KIF24: variants seen among roughly 807,000 people sequenced by gnomAD.
KIF24 encodes the protein kinesin-like protein KIF24.
KIF24 carries 81 observed loss-of-function variants against 118.9 expected under a neutral mutation model. That is an observed-to-expected ratio of 0.68 (90% CI 0.57 to 0.82). The LOEUF (loss-of-function observed/expected upper bound fraction) is 0.82. Among genes scored for constraint, KIF24 ranks in the 40% least tolerant of loss-of-function variants. KIF24 has a pLI of 0.00. For missense variants in KIF24, 1,560 were observed against 1,661.6 expected (o/e 0.94, Z 1.06); for synonymous variants, 599 against 610.0 (o/e 0.98, Z 0.27).
chr9:34,282,464 T>A (rs1232799009), intron 6 of KIF24: 1 of 151,952 alleles, frequency 6.6e-6, no homozygotes, highest in Non-Finnish European at 1.5e-5. Flanking sequence ...CATAACTTCA[T>A]GAATATACTT....
At chr9:34,306,951 GAAC>G (rs1157324267) in intron 2 of KIF24, among the ~76,000 whole-genome samples, 11 of 151,812 alleles carry the variant, frequency 7.2e-5, no homozygotes, top group East Asian at 1.9e-4. Flanking sequence ...ACAAATAACA[GAAC>G]AACAACAAAA....
At chr9:34,255,299 C>T in intron 11 of KIF24, 134 bp from the exon 12 acceptor site, 1 of 622,838 alleles carries the variant, frequency 1.6e-6, no homozygotes, top group Non-Finnish European at 2.9e-6. Context: ...CCAAGGCCAG[C>T]TTACCAACCA....
At position 34,328,113 on chromosome 9, in the gene KIF24, T is replaced by C. The variant is rs555617688; in HGVS notation, c.-26+993A>G. Among the ~76,000 whole-genome samples the C allele has an allele frequency of 1.5e-4, 23 of 152,264 alleles. No individual in the cohort carries two copies. The South Asian group carries it at 4.6e-3, about 30-fold the overall frequency. Reference sequence around the variant, plus strand: ...CAACAATCAGGCTGTGAATATATAATCCATGAGTTAACAACGAAACAGTCT... The same window carrying C: ...CAACAATCAGGCTGTGAATATATAACCCATGAGTTAACAACGAAACAGTCT... On this transcript the variant is annotated intron_variant, in intron 1 of 12. Coordinates refer to ENST00000402558, the MANE Select transcript of KIF24 (RefSeq NM_194313.4).
chr9:34,298,031 TTC>T (rs1475487747), intron 3 of KIF24, among the ~76,000 whole-genome samples: 2 of 152,016 alleles, frequency 1.3e-5, no homozygotes, highest in Non-Finnish European at 2.9e-5. Context: ...GGAAAACATA[TTC>T]TCTCTGATTA....
chr9:34,304,637 T>C (rs957579488), intron 3 of KIF24, among the ~76,000 whole-genome samples: 1 of 152,132 alleles, frequency 6.6e-6, no homozygotes, highest in African/African-American at 2.4e-5. Context: ...TAATAGACCG[T>C]GCATTGATCA....
chr9:34,279,556 C>T (rs779142852), intron 6 of KIF24, among the ~76,000 whole-genome samples: 2 of 152,228 alleles, frequency 1.3e-5, no homozygotes, highest in African/African-American at 2.4e-5. Flanking sequence ...CTGGTGCCTG[C>T]GTTGGCAAGA....
chr9:34,255,217 T>A, intron 11 of KIF24, 52 bp from the exon 12 acceptor site: 1 of 1,144,680 alleles, frequency 8.7e-7, no homozygotes, highest in Non-Finnish European at 1.3e-6. Flanking sequence ...CAGCCTCTCC[T>A]GGGTAGCTTT....
intron 6 of KIF24, among the ~76,000 whole-genome samples, chr9:34,277,216 T>G (rs1438204363): frequency 1.3e-5 from 2 of 151,098 alleles, no homozygotes; most frequent in African/African-American, 4.8e-5. Flanking sequence ...TTACAGGTCT[T>G]TTTTTTTGTC....
intron 6 of KIF24, among the ~76,000 whole-genome samples, chr9:34,279,702 C>T (rs1021632974): frequency 2.0e-5 from 3 of 152,250 alleles, no homozygotes; most frequent in Admixed American, 6.5e-5. Flanking sequence ...TCCAAGATGA[C>T]ACTTGAGCAA....
chr9:34,254,876 T>C (rs2131653544), intron 12 of KIF24, among the ~76,000 whole-genome samples, 196 bp downstream of exon 12: 1 of 152,220 alleles, frequency 6.6e-6, no homozygotes, highest in African/African-American at 2.4e-5. Flanking sequence ...AAGGCGAGTG[T>C]TGCACCATCT....
rs771465840 is a variant in KIF24, at chr9:34,290,359, C to G, written c.942G>C (p.Gln314His). ...TGGTGTAGGTCTTTCCAGCACCTGT[C>G]TGTCCATAAGCAAAGCAAGTGGCAT... ...GGNATCFAYG[Q>H]TGAGKTYTMI... Residue 314 changes from glutamine to histidine, a missense_variant, in exon 5 of 13, where the codon CAG becomes CAC. Gln to His is a conservative substitution (Grantham distance 24). Around this residue, in one of 3 missense-constraint regions of KIF24, gnomAD observed 964 missense variants for 988.0 expected, o/e 0.98. Transcript: ENST00000402558. The G allele has an allele frequency of 6.2e-7, 1 of 1,612,468 alleles. No homozygotes were observed. Among genetic ancestry groups the G allele is most frequent in the Non-Finnish European group, 8.5e-7 (1 of 1,178,904 alleles).
intron 6 of KIF24, chr9:34,282,530 C>CT (rs952351649): frequency 5.9e-5 from 9 of 151,966 alleles, no homozygotes; most frequent in African/African-American, 2.2e-4. Flanking sequence ...GAGGATGCAC[C>CT]ATTCCTGGAG....
Position 34,306,369 on chromosome 9 carries a change from G to A in KIF24, c.696C>T (p.Pro232=), listed in dbSNP as rs1836918303. Residue 232 remains proline (P), a synonymous_variant, in exon 3 of 13, where the codon CCC becomes CCT. Coordinates refer to ENST00000402558, the MANE Select transcript of KIF24 (RefSeq NM_194313.4). ...CACGACGTACCTCCCTCATGCCCAG[G>A]GGGCGTTTTCGAACACAAACTCTGA... ...EKIRVCVRKR[P]LGMREVRRGE... The A allele has an allele frequency of 6.2e-7, 1 of 1,612,472 alleles. No individual in the cohort carries two copies.
upstream of KIF24, chr9:34,329,543 T>A (rs1009466176): frequency 2.6e-5 from 4 of 152,274 alleles, no homozygotes; most frequent in African/African-American, 9.6e-5. Context: ...CTCTTCTGAT[T>A]GGCCGGTGTA....
chr9:34,286,230 A>C (rs1264294453), intron 6 of KIF24, among the ~76,000 whole-genome samples: 1 of 152,122 alleles, frequency 6.6e-6, no homozygotes, highest in Admixed American at 6.5e-5. Flanking sequence ...GCTACTCAGG[A>C]GGCTGAGGCA....
intron 6 of KIF24, among the ~76,000 whole-genome samples, chr9:34,285,253 G>T (rs1162016650): frequency 1.3e-5 from 2 of 152,146 alleles, no homozygotes; most frequent in Non-Finnish European, 2.9e-5. Flanking sequence ...AAAATTAGTT[G>T]CTCTGGAAAA....
chr9:34,309,721 A>C (rs1042573305), intron 2 of KIF24, among the ~76,000 whole-genome samples: 7 of 152,124 alleles, frequency 4.6e-5, no homozygotes, highest in Non-Finnish European at 1.0e-4. Context: ...GAAATATTAT[A>C]ATAAAAATTC....
At chr9:34,292,311 A>G (rs1459528741) in intron 4 of KIF24, among the ~76,000 whole-genome samples, 1 of 152,144 alleles carries the variant, frequency 6.6e-6, no homozygotes, top group African/African-American at 2.4e-5. Context: ...CATTTAAAAC[A>G]TATTTCTTTT....
intron 6 of KIF24, among the ~76,000 whole-genome samples, chr9:34,275,342 T>G (rs910587858): frequency 1.3e-4 from 19 of 151,840 alleles, no homozygotes; most frequent in Non-Finnish European, 2.6e-4. Flanking sequence ...TGTAGTGAAC[T>G]GATATCGCAC....
Sources: gnomAD v4.1 joint callset for allele counts (sites outside exome capture counted in the v4.1 genomes callset) on GRCh38, gnomAD v4.1.1 for gene constraint, gnomAD v4.1.1 regional missense constraint, MANE v1.5 for transcripts, NCBI Gene and HGNC (gene_info 2026-07-23, HGNC 2026-07-21) for gene names.